The following ANKRD31 variants were observed in gnomAD, a reference collection of about 807,000 sequenced individuals.
ANKRD31 encodes ankyrin repeat domain-containing protein 31.
In ANKRD31, 147 loss-of-function variants were observed where a neutral mutation model predicts 186.0. The ratio of observed to expected loss-of-function variants is 0.79; its 90% confidence interval spans 0.69 to 0.91. The LOEUF (loss-of-function observed/expected upper bound fraction) is 0.91, where lower values mean the gene tolerates loss of function less well. ANKRD31 is among the 40% of genes least tolerant of loss of function. The probability of loss-of-function intolerance (pLI) is 0.00; values close to 1 mark genes in which losing one functional copy is unlikely to be tolerated. For missense variants in ANKRD31, 1,986 were observed against 2,148.8 expected, an observed-to-expected ratio of 0.92 and a Z score of 1.50; for synonymous variants, 673 against 736.4, an observed-to-expected ratio of 0.91 and a Z score of 1.39.
At chr5:75,102,885 G>A (rs1747021256) in intron 22 of ANKRD31, among the ~76,000 whole-genome samples, 1 of 152,184 alleles carries the variant, frequency 6.6e-6, no homozygotes, top group Non-Finnish European at 1.5e-5. Context: ...CTTTCCTGGT[G>A]AGGTGATGCC....
Position 75,104,929 on chromosome 5 carries a change from A to AT in ANKRD31, c.4629dup (p.Leu1544IlefsTer30). 2.0e-6 allele frequency: 3 copies of AT among 1,537,076 alleles called. No individual in the cohort carries two copies. Among genetic ancestry groups the AT allele is most frequent in the Non-Finnish European group, 2.6e-6 (3 of 1,146,876 alleles). On this transcript the variant is annotated frameshift_variant, in exon 22 of 26. Transcript: ENST00000506364. LOFTEE classifies it high-confidence loss of function. ...CTGTAGTTCCAAGTTTCCAGAGACAATTGTGTTTCCTGCATGCTTCCAGAA... is the reference window on the plus strand; with the variant it reads ...CTGTAGTTCCAAGTTTCCAGAGACAATTTGTGTTTCCTGCATGCTTCCAGAA...
chr5:75,187,143 T>C (rs1280620130), intron 10 of ANKRD31, among the ~76,000 whole-genome samples: 2 of 145,510 alleles, frequency 1.4e-5, no homozygotes, highest in African/African-American at 5.0e-5. Flanking sequence ...TGTGTGTGTG[T>C]GTGTGTTTTG....
intron 11 of ANKRD31, among the ~76,000 whole-genome samples, chr5:75,167,009 C>T (rs1446111711): frequency 1.3e-5 from 2 of 151,688 alleles, no homozygotes; most frequent in East Asian, 1.9e-4. Flanking sequence ...TTGTATAACC[C>T]TCACCACAAT....
intron 11 of ANKRD31, among the ~76,000 whole-genome samples, chr5:75,156,991 T>C (rs1311597760): frequency 6.6e-6 from 1 of 152,302 alleles, no homozygotes; most frequent in African/African-American, 2.4e-5. Flanking sequence ...TGGGGTGCTA[T>C]TGTAACAAAT....
chr5:75,208,972 T>C (rs1347048027), intron 4 of ANKRD31, among the ~76,000 whole-genome samples: 1 of 152,236 alleles, frequency 6.6e-6, no homozygotes, highest in Non-Finnish European at 1.5e-5. Flanking sequence ...ATCTTTCTTT[T>C]TGTCTGTTCA....
intron 10 of ANKRD31, among the ~76,000 whole-genome samples, chr5:75,181,077 T>G (rs1754253216): frequency 6.7e-6 from 1 of 149,296 alleles, no homozygotes; most frequent in Admixed American, 6.7e-5. Flanking sequence ...GGGCAAAGGA[T>G]ATGAATAGAC....
chr5:75,131,443 G>A (rs551987876), intron 17 of ANKRD31, among the ~76,000 whole-genome samples: 1 of 152,340 alleles, frequency 6.6e-6, no homozygotes, highest in Admixed American at 6.5e-5. Context: ...AAACTGCAAG[G>A]TGGCAGCGAG....
At chr5:75,137,657 A>C (rs1264180971) in intron 17 of ANKRD31, among the ~76,000 whole-genome samples, 199 bp downstream of exon 17, 4 of 152,138 alleles carry the variant, frequency 2.6e-5, no homozygotes. Flanking sequence ...ATGAAGAAAT[A>C]ATGGAGAAAT....
chr5:75,196,345 G>A, intron 6 of ANKRD31, 145 bp from the exon 7 acceptor site: 7 of 613,004 alleles, frequency 1.1e-5, no homozygotes, highest in African/African-American at 1.9e-5. Context: ...ATAAATAAAG[G>A]GAATACTCTT....
chr5:75,068,571 A>G lies in ANKRD31; in HGVS notation c.5741T>C (p.Ile1914Thr). ...ACAAAACTTCCAATGCTGATCCATT[A>G]TGTGGCATGGGAGAAATTCTTGATC... ...ISDQEFLPCH[I>T]MDQHWKFCVE... Residue 1914 changes from isoleucine to threonine, a missense_variant, in exon 26 of 26, where the codon ATA becomes ACA. Ile to Thr is a moderately conservative substitution (Grantham distance 89). Transcript: ENST00000506364. The G allele has an allele frequency of 6.5e-7, 1 of 1,528,594 alleles. No homozygotes were observed. The allele number at this position is 1,528,594 out of a possible 1,614,324, so 94.7% of individuals were successfully genotyped here. A position where few individuals can be genotyped will look rare whatever the true frequency, so the allele number is the denominator to read the frequency against.
chr5:75,129,224 C>A (rs1749526599), intron 17 of ANKRD31, among the ~76,000 whole-genome samples: 1 of 152,166 alleles, frequency 6.6e-6, no homozygotes, highest in African/African-American at 2.4e-5. Flanking sequence ...CACCTTCCAC[C>A]ATGATTTTAA....
intron 22 of ANKRD31, among the ~76,000 whole-genome samples, chr5:75,092,325 C>T (rs1015078262): frequency 1.3e-5 from 2 of 152,176 alleles, no homozygotes; most frequent in African/African-American, 4.8e-5. Flanking sequence ...CAGGAGCCTT[C>T]CTAGGTTCAT....
At chr5:75,175,501 A>T (rs1753716215) in intron 10 of ANKRD31, among the ~76,000 whole-genome samples, 1 of 152,160 alleles carries the variant, frequency 6.6e-6, no homozygotes, top group South Asian at 2.1e-4. Flanking sequence ...TAGAGTGAAA[A>T]ATATCAGAAC....
chr5:75,219,692 T>C (rs1402787871), intron 3 of ANKRD31, among the ~76,000 whole-genome samples: 1 of 152,134 alleles, frequency 6.6e-6, no homozygotes, highest in African/African-American at 2.4e-5. Context: ...GCCAAGGCAA[T>C]CCTAAGCAAA....
chr5:75,195,692 T>G lies in ANKRD31; in HGVS notation c.956A>C (p.Glu319Ala). ...EGGSSLIARNECLEVEFNTSQ... is the reference protein window; with the variant it reads ...EGGSSLIARNACLEVEFNTSQ... ...CGTATTGAACTCCACTTCTAAACAT[T>G]CATTTCTGGCAATGAGACTGCTACC... is the stretch of plus-strand genomic sequence containing the variant. The change falls in exon 7 of 26, where the codon GAA becomes GCA. Residue 319 changes from glutamate to alanine, a missense_variant. By Grantham distance (107) the Glu-to-Ala change is moderately radical. Coordinates refer to ENST00000506364, the MANE Select transcript of ANKRD31 (RefSeq NM_001372053.1). 6.5e-7 allele frequency: 1 copy of G among 1,537,370 alleles called. No homozygotes were observed. Among genetic ancestry groups the G allele is most frequent in the Non-Finnish European group, 8.7e-7 (1 of 1,146,830 alleles).
chr5:75,191,019 A>G (rs1250943460), intron 9 of ANKRD31, among the ~76,000 whole-genome samples: 1 of 152,124 alleles, frequency 6.6e-6, no homozygotes, highest in Non-Finnish European at 1.5e-5. Context: ...AAGAATTTTT[A>G]TCATTCTTTT....
intron 22 of ANKRD31, among the ~76,000 whole-genome samples, chr5:75,097,745 T>C (rs1746451282): frequency 6.6e-6 from 1 of 152,226 alleles, no homozygotes; most frequent in East Asian, 1.9e-4. Context: ...GCCTATGTCC[T>C]GAATGGTATT....
chr5:75,100,534 C>G (rs1249915162), intron 22 of ANKRD31, among the ~76,000 whole-genome samples: 1 of 152,072 alleles, frequency 6.6e-6, no homozygotes, highest in Admixed American at 6.6e-5. Context: ...GTTAAAGTCT[C>G]CCATTATTAT....
intron 2 of ANKRD31, among the ~76,000 whole-genome samples, chr5:75,224,094 C>T (rs2150311129): frequency 7.4e-6 from 1 of 135,336 alleles, no homozygotes; most frequent in East Asian, 2.0e-4. Flanking sequence ...GCTTATCACA[C>T]AACACAGGAA....
Sources: allele counts gnomAD v4.1 joint callset (sites outside exome capture counted in the v4.1 genomes callset), GRCh38; gene constraint gnomAD v4.1.1; transcripts MANE v1.5; gene names NCBI Gene and HGNC (gene_info 2026-07-23, HGNC 2026-07-21).